Variants in ANKRD62 observed in about 807,000 individuals in gnomAD.
The protein encoded by ANKRD62 is ankyrin repeat domain 62.
In ANKRD62, 61 loss-of-function variants were observed where a neutral mutation model predicts 98.8. The ratio of observed to expected loss-of-function variants is 0.62; its 90% CI spans 0.50 to 0.76. The LOEUF is 0.76. Ranked by LOEUF, ANKRD62 falls within the 30% of genes least tolerant of loss-of-function variation. ANKRD62 has a pLI of 0.00. For synonymous variants in ANKRD62, 341 were observed against 367.9 expected, an observed-to-expected ratio of 0.93 and a Z score of 0.84; for missense variants, 933 against 1,082.9, an observed-to-expected ratio of 0.86 and a Z score of 1.94.
intron 8 of ANKRD62, among the ~76,000 whole-genome samples, chr18:12,110,213 T>C (rs1009503753): frequency 6.6e-6 from 1 of 152,230 alleles, no homozygotes; most frequent in Non-Finnish European, 1.5e-5. Flanking sequence ...CTTTTTATTC[T>C]TGTTACAGAA....
intron 10 of ANKRD62, among the ~76,000 whole-genome samples, chr18:12,121,519 G>A (rs1050239555): frequency 3.9e-5 from 6 of 152,070 alleles, no homozygotes; most frequent in Non-Finnish European, 7.4e-5. Context: ...CTTTAGAGGG[G>A]ACCTCTGCAG....
At chr18:12,162,025 C>G in the ANKRD62 span, among the ~76,000 whole-genome samples, 8 of 152,114 alleles carry the variant, frequency 5.3e-5, no homozygotes, top group Non-Finnish European at 1.2e-4. Flanking sequence ...AATGTCCTTT[C>G]TTTGGGGTAT....
intron 6 of ANKRD62, 128 bp from the exon 7 acceptor site, chr18:12,103,030 T>G (rs970699106): frequency 1.4e-6 from 1 of 708,116 alleles, no homozygotes; most frequent in African/African-American, 1.9e-5. Flanking sequence ...TCGCTAAAGA[T>G]TAAGCTTCAT....
the ANKRD62 span, among the ~76,000 whole-genome samples, chr18:12,134,868 A>C: frequency 1.3e-5 from 2 of 152,286 alleles, no homozygotes; most frequent in Admixed American, 6.5e-5. Flanking sequence ...CATGATTTAT[A>C]ATCCTTTGGG....
the ANKRD62 span, among the ~76,000 whole-genome samples, chr18:12,177,314 G>A: frequency 6.6e-6 from 1 of 152,296 alleles, no homozygotes; most frequent in Non-Finnish European, 1.5e-5. Flanking sequence ...GTGGACACCA[G>A]CAAGGAGAGG....
At chr18:12,126,840 A>G (rs1909903118) in intron 13 of ANKRD62, among the ~76,000 whole-genome samples, 1 of 152,206 alleles carries the variant, frequency 6.6e-6, no homozygotes, top group South Asian at 2.1e-4. Flanking sequence ...TTTTATAATT[A>G]TTCTTCCTCA....
In ANKRD62 at chr18:12,123,118, G is replaced by A. The variant is rs1342230950; in HGVS notation, c.1454+602G>A. ...GGTTGGAGTGCAGCGGCGAAATCTC[G>A]GCTCACTGCAGCCTCTGCTTCCGGG... is the stretch of plus-strand genomic sequence containing the variant. On this transcript the variant is annotated intron_variant, in intron 11 of 13. Transcript: ENST00000587848. Among the ~76,000 whole-genome samples the A allele has an allele frequency of 2.6e-5, 4 of 152,146 alleles. No homozygotes were observed. The South Asian group carries it at 6.2e-4, about 24-fold the overall frequency.
downstream of ANKRD62, among the ~76,000 whole-genome samples, chr18:12,133,550 T>G (rs1039615641): frequency 2.6e-5 from 4 of 152,186 alleles, no homozygotes; most frequent in African/African-American, 9.7e-5. Context: ...CAGTATTTAT[T>G]TTTCATCTTT....
intron 10 of ANKRD62, among the ~76,000 whole-genome samples, chr18:12,119,249 GT>G (rs1315464218): frequency 6.6e-6 from 1 of 151,226 alleles, no homozygotes; most frequent in Non-Finnish European, 1.5e-5. Flanking sequence ...TCTGAAATTA[GT>G]AATTTGTATT....
At chr18:12,111,109 C>G (rs879379718) in intron 8 of ANKRD62, among the ~76,000 whole-genome samples, 1 of 151,914 alleles carries the variant, frequency 6.6e-6, no homozygotes, top group Non-Finnish European at 1.5e-5. Context: ...ATTAGCCAGA[C>G]GTGGTGGCAC....
chr18:12,099,671 AT>A lies in ANKRD62; in HGVS notation c.810del (p.Asn270LysfsTer8). On this transcript the variant is annotated frameshift_variant, in exon 6 of 14. Coordinates refer to ENST00000587848, the MANE Select transcript of ANKRD62 (RefSeq NM_001277333.2). LOFTEE classifies it high-confidence loss of function. ...AACAAGAGATGTAAAAGTCTTCAAA[AT>A]AGCAATTCAGGTATGACTTCTGATA... ...KANKRCKSLQNSNSEQDLEMT... is the reference protein window; with the variant it reads ...KANKRCKSLQXSNSEQDLEMT... 1 of 1,485,518 alleles carries A rather than the reference AT, an allele frequency of 6.7e-7. No homozygotes were observed. Among genetic ancestry groups the A allele is most frequent in the Non-Finnish European group, 8.9e-7 (1 of 1,117,584 alleles). 92.0% of individuals were successfully genotyped at this position (1,485,518 alleles called of 1,614,324 possible). A position where few individuals can be genotyped will look rare whatever the true frequency, so the allele number is the denominator to read the frequency against.
chr18:12,122,094 T>C (rs2143928513), intron 10 of ANKRD62, among the ~76,000 whole-genome samples: 1 of 152,372 alleles, frequency 6.6e-6, no homozygotes, highest in South Asian at 2.1e-4. Flanking sequence ...TTTTTGTCTG[T>C]GTTCTTTACT....
chr18:12,108,325 A>T (rs1909460447), intron 8 of ANKRD62, among the ~76,000 whole-genome samples: 1 of 152,240 alleles, frequency 6.6e-6, no homozygotes, highest in Non-Finnish European at 1.5e-5. Flanking sequence ...CAATCATGAC[A>T]GAAGGCAAAG....
chr18:12,172,722 C>G, the ANKRD62 span, among the ~76,000 whole-genome samples: 1 of 152,210 alleles, frequency 6.6e-6, no homozygotes, highest in Non-Finnish European at 1.5e-5. Flanking sequence ...TCTACAGAGG[C>G]AGGCAGGCCT....
the ANKRD62 span, among the ~76,000 whole-genome samples, chr18:12,162,562 C>G: frequency 6.6e-6 from 1 of 152,024 alleles, no homozygotes; most frequent in African/African-American, 2.4e-5. Context: ...GTTCCCTGTG[C>G]TTTTGGGGCA....
At chr18:12,174,239 GA>G in the ANKRD62 span, among the ~76,000 whole-genome samples, 2 of 151,810 alleles carry the variant, frequency 1.3e-5, no homozygotes, top group African/African-American at 4.8e-5. Flanking sequence ...TTTTATTTCA[GA>G]AAGCCAGTCT....
intron 10 of ANKRD62, among the ~76,000 whole-genome samples, chr18:12,120,335 C>T (rs1909757850): frequency 6.6e-6 from 1 of 152,140 alleles, no homozygotes; most frequent in Admixed American, 6.6e-5. Context: ...GGGGCATAAA[C>T]ATTTAGGACT....
At chr18:12,140,261 A>C in the ANKRD62 span, among the ~76,000 whole-genome samples, 2 of 152,092 alleles carry the variant, frequency 1.3e-5, no homozygotes, top group Non-Finnish European at 2.9e-5. Context: ...ATTTTTTTTC[A>C]AAGTTTTTAA....
the ANKRD62 span, among the ~76,000 whole-genome samples, chr18:12,179,403 G>A: frequency 2.3e-5 from 3 of 132,634 alleles, no homozygotes; most frequent in African/African-American, 8.6e-5. Context: ...CAGATAATCA[G>A]GAGAACAAAA....
Sources: allele counts gnomAD v4.1 joint callset (sites outside exome capture counted in the v4.1 genomes callset), GRCh38; gene constraint gnomAD v4.1.1; transcripts MANE v1.5; gene names NCBI Gene and HGNC (gene_info 2026-07-23, HGNC 2026-07-21).